The following RBFOX1 variants were observed in gnomAD, a reference collection of about 807,000 sequenced individuals.
The protein encoded by RBFOX1 is RNA binding protein fox-1 homolog 1.
Under a neutral mutation model 57.7 loss-of-function variants are expected in RBFOX1, and 8 were observed. The ratio of observed to expected loss-of-function variants is 0.14; its 90% CI spans 0.08 to 0.25. The LOEUF is 0.25. Ranked by LOEUF, RBFOX1 falls within the 10% of genes least tolerant of loss-of-function variation. The pLI is 1.00. For synonymous variants in RBFOX1, 326 were observed against 222.4 expected, an observed-to-expected ratio of 1.47 and a Z score of -4.15; for missense variants, 611 against 548.5, an observed-to-expected ratio of 1.11 and a Z score of -1.14.
chr16:7,178,498 T>C (rs2082096918), intron 4 of RBFOX1, among the ~76,000 whole-genome samples: 1 of 152,202 alleles, frequency 6.6e-6, no homozygotes, highest in Non-Finnish European at 1.5e-5. Context: ...GATGTATCGA[T>C]TGACTGATAA....
intron 7 of RBFOX1, among the ~76,000 whole-genome samples, chr16:7,592,025 C>G (rs566785658): frequency 2.6e-5 from 4 of 152,020 alleles, no homozygotes; most frequent in African/African-American, 9.6e-5. Flanking sequence ...AACCTGATAA[C>G]CCAGGGAGGC....
At chr16:5,489,517 G>A (rs1337574385) in intron 2 of RBFOX1, among the ~76,000 whole-genome samples, 1 of 152,178 alleles carries the variant, frequency 6.6e-6, no homozygotes, top group Non-Finnish European at 1.5e-5. Flanking sequence ...TGATGTCCTT[G>A]TTTTTCCTTT....
intron 14 of RBFOX1, among the ~76,000 whole-genome samples, chr16:7,694,991 C>T (rs1414563073): frequency 6.6e-6 from 1 of 151,810 alleles, no homozygotes; most frequent in Non-Finnish European, 1.5e-5. Context: ...TGACTTAAAC[C>T]CTGCCTTATA....
intron 3 of RBFOX1, among the ~76,000 whole-genome samples, chr16:6,804,490 C>G (rs567585260): frequency 3.0e-4 from 46 of 152,234 alleles, no homozygotes; most frequent in African/African-American, 1.1e-3. Context: ...ACAGGCTCAA[C>G]AGCTCTAGGT....
rs529925944 is a variant in RBFOX1, at chr16:5,301,270, A to C, written c.219+61165A>C. Among the ~76,000 whole-genome samples, 3 of 152,280 alleles carry C rather than the reference A, an allele frequency of 2.0e-5. No homozygotes were observed. The South Asian group carries it at 6.2e-4, about 32-fold the overall frequency. ...TGAGGGAAGCCTGCAGCCAGCAGCCACTGAGGCCCTCAGTCCAATAGCCTG... is the reference window on the plus strand; with the variant it reads ...TGAGGGAAGCCTGCAGCCAGCAGCCCCTGAGGCCCTCAGTCCAATAGCCTG... On this transcript the variant is annotated intron_variant, in intron 1 of 2. Coordinates refer to the RBFOX1 transcript ENST00000585867.
intron 4 of RBFOX1, among the ~76,000 whole-genome samples, chr16:7,103,954 G>C (rs1170760832): frequency 2.0e-5 from 3 of 152,128 alleles, no homozygotes; most frequent in African/African-American, 7.2e-5. Context: ...AATCTTCCAA[G>C]TATCCGTTGG....
At chr16:6,072,655 C>G (rs1178278576) in intron 1 of RBFOX1, among the ~76,000 whole-genome samples, 1 of 150,996 alleles carries the variant, frequency 6.6e-6, no homozygotes, top group Non-Finnish European at 1.5e-5. Flanking sequence ...TGATAATAGG[C>G]ATTGTAACAG....
In RBFOX1 at chr16:7,062,892, C is replaced by CTTTTTTTTTTTTTTTTTTTTTTTT. The variant is rs1491558284; in HGVS notation, c.27+10794_27+10795insTTTTTTTTTTTTTTTTTTTTTTTT. 1.0e-4 allele frequency among the ~76,000 whole-genome samples: 6 copies of CTTTTTTTTTTTTTTTTTTTTTTTT among 59,932 alleles called. 2 individuals are homozygous for CTTTTTTTTTTTTTTTTTTTTTTTT. Among genetic ancestry groups the CTTTTTTTTTTTTTTTTTTTTTTTT allele is most frequent in the African/African-American group, 1.1e-4 (2 of 18,506 alleles). The allele number at this position is 59,932 out of a possible 152,430, so 39.3% of individuals were successfully genotyped here. The stretch of plus-strand genomic sequence containing the variant: ...TACCTCATCTCATTCAAATGATCGC[C>CTTTTTTTTTTTTTTTTTTTTTTTT]ATTTTTTTTTTTTTTTTTTTTTTTT... On this transcript the variant is annotated intron_variant, in intron 4 of 15. Transcript: ENST00000550418.
intron 3 of RBFOX1, among the ~76,000 whole-genome samples, chr16:6,807,724 A>C (rs1294392706): frequency 6.6e-6 from 1 of 152,030 alleles, no homozygotes; most frequent in Non-Finnish European, 1.5e-5. Context: ...GCTAAGGCAG[A>C]AGAATCACTT....
chr16:5,862,949 C>G (rs2151889712), intron 3 of RBFOX1, among the ~76,000 whole-genome samples: 1 of 152,176 alleles, frequency 6.6e-6, no homozygotes, highest in Non-Finnish European at 1.5e-5. Flanking sequence ...TTCCCTCTGT[C>G]CATTAACTCA....
chr16:6,095,630 T>G (rs74599509), intron 1 of RBFOX1, among the ~76,000 whole-genome samples: 1 of 152,078 alleles, frequency 6.6e-6, no homozygotes, highest in Non-Finnish European at 1.5e-5. Context: ...TGCAAAGAAC[T>G]TGGGAAGCAG....
At chr16:7,314,216 C>G (rs764839918) in intron 4 of RBFOX1, among the ~76,000 whole-genome samples, 1 of 152,114 alleles carries the variant, frequency 6.6e-6, no homozygotes, top group African/African-American at 2.4e-5. Context: ...CTCTGTTGTA[C>G]TGGGGAGCTC....
intron 1 of RBFOX1, among the ~76,000 whole-genome samples, chr16:6,212,718 A>G (rs562180984): frequency 2.8e-3 from 22 of 7,934 alleles, no homozygotes; most frequent in Non-Finnish European, 0.011. Flanking sequence ...AAAACAAACA[A>G]ACAAACAAAC....
intron 2 of RBFOX1, among the ~76,000 whole-genome samples, chr16:6,429,382 C>T (rs59576843): frequency 0.059 from 8,921 of 152,250 alleles, 841 homozygotes; most frequent in African/African-American, 0.19. Context: ...AGAATAACAA[C>T]AGTTGTCAGA....
intron 3 of RBFOX1, among the ~76,000 whole-genome samples, chr16:6,892,874 G>A (rs749961358): frequency 1.4e-4 from 20 of 143,116 alleles, no homozygotes; most frequent in Non-Finnish European, 2.5e-4. Context: ...TCTGATTTCT[G>A]TCTCTGCTCA....
At chr16:5,444,152 G>C (rs1383534311) in intron 1 of RBFOX1, among the ~76,000 whole-genome samples, 3 of 152,056 alleles carry the variant, frequency 2.0e-5, no homozygotes, top group Non-Finnish European at 2.9e-5. Context: ...TAAGAGGCTG[G>C]AACATGTTTT....
chr16:6,506,426 A>G (rs569276456), intron 2 of RBFOX1, among the ~76,000 whole-genome samples: 1 of 152,130 alleles, frequency 6.6e-6, no homozygotes, highest in South Asian at 2.1e-4. Context: ...TGGAGAAACA[A>G]AAGGAGAGGG....
intron 1 of RBFOX1, among the ~76,000 whole-genome samples, chr16:6,218,819 T>G (rs1179372070): frequency 1.3e-5 from 2 of 151,000 alleles, no homozygotes; most frequent in Non-Finnish European, 2.9e-5. Flanking sequence ...GTTAAGCTTA[T>G]TAGTTAAGTC....
intron 3 of RBFOX1, among the ~76,000 whole-genome samples, chr16:5,824,329 C>G (rs1008185007): frequency 6.6e-6 from 1 of 152,076 alleles, no homozygotes; most frequent in East Asian, 1.9e-4. Context: ...TTTGGTCACC[C>G]AAGTGTGTCC....
Sources: allele counts gnomAD v4.1 joint callset (sites outside exome capture counted in the v4.1 genomes callset), GRCh38; gene constraint gnomAD v4.1.1; transcripts MANE v1.5; gene names NCBI Gene and HGNC (gene_info 2026-07-23, HGNC 2026-07-21).